Variants in ATP11A observed in about 807,000 individuals in gnomAD.
The protein encoded by ATP11A is phospholipid-transporting ATPase IH.
A neutral mutation model predicts 154.4 loss-of-function variants in ATP11A; 81 were observed. The ratio of observed to expected loss-of-function variants is 0.52; its 90% CI spans 0.44 to 0.63. ATP11A has a LOEUF of 0.63. Among genes scored for constraint, ATP11A ranks in the 30% least tolerant of loss-of-function variants. The probability of loss-of-function intolerance (pLI) is 0.00; values close to 1 mark genes in which losing one functional copy is unlikely to be tolerated. For missense variants in ATP11A, 1,316 were observed against 1,474.3 expected (o/e 0.89, Z 1.76); for synonymous variants, 623 against 585.9 (o/e 1.06, Z -0.91).
At position 112,880,466 on chromosome 13, in the gene ATP11A, G is replaced by A. The variant is rs764053329; in HGVS notation, c.*10-1410G>A. On this transcript the variant is annotated intron_variant, in intron 29 of 29. Coordinates refer to ENST00000375645, the MANE Select transcript of ATP11A (RefSeq NM_015205.3). ...GAGCCTCTTCCTGCTGGGGTCCCAC[G>A]GATGGTGCAGGCAGAGGCCCGAGCA... is the stretch of plus-strand genomic sequence containing the variant. 111 of 1,155,678 alleles carry A rather than the reference G, an allele frequency of 9.6e-5. 1 individual carries two copies. Among genetic ancestry groups the A allele is most frequent in the Middle Eastern group, 6.6e-4 (2 of 3,034 alleles). The allele number at this position is 1,155,678 out of a possible 1,614,324, so 71.6% of individuals were successfully genotyped here. A position where few individuals can be genotyped will look rare whatever the true frequency, so the allele number is the denominator to read the frequency against.
intron 1 of ATP11A, among the ~76,000 whole-genome samples, chr13:112,739,989 G>A (rs769567511): frequency 1.3e-5 from 2 of 152,078 alleles, no homozygotes; most frequent in East Asian, 1.9e-4. Flanking sequence ...GCGTGGGAGC[G>A]ACTGTAGGTC....
At chr13:112,761,739 G>A (rs1473433549) in intron 1 of ATP11A, among the ~76,000 whole-genome samples, 1 of 152,154 alleles carries the variant, frequency 6.6e-6, no homozygotes, top group African/African-American at 2.4e-5. Context: ...AGGTGCCCCT[G>A]AGGATAAGGG....
At chr13:112,787,899 C>T (rs1594694489) in intron 2 of ATP11A, among the ~76,000 whole-genome samples, 1 of 142,040 alleles carries the variant, frequency 7.0e-6, no homozygotes, top group African/African-American at 2.7e-5. Context: ...CCAGTGTCCT[C>T]ATGTGTAGAC....
At chr13:112,722,257 TG>T (rs1048160507) in intron 1 of ATP11A, among the ~76,000 whole-genome samples, 4 of 116,626 alleles carry the variant, frequency 3.4e-5, no homozygotes, top group Admixed American at 2.3e-4. Flanking sequence ...GCAGGACAGC[TG>T]TAAGTGGGCC....
At chr13:112,878,379 T>A in intron 29 of ATP11A, 76 bp downstream of exon 29, 1 of 1,495,134 alleles carries the variant, frequency 6.7e-7, no homozygotes, top group Non-Finnish European at 9.3e-7. Context: ...ACCAGAGCCC[T>A]GAGTCCACGT....
chr13:112,795,584 A>C (rs918807016), intron 2 of ATP11A, among the ~76,000 whole-genome samples: 6 of 151,946 alleles, frequency 3.9e-5, no homozygotes, highest in Non-Finnish European at 8.8e-5. Flanking sequence ...TTTTAAGTAG[A>C]CTCTTTTTTC....
chr13:112,690,356 T>C lies in ATP11A; in HGVS notation c.-61T>C. ...GGCCGCACTAGTACCCCGGAGCCCA[T>C]GGGCGCGCCGAGCCGGGCGCGGGGG... On this transcript the variant is annotated 5_prime_UTR_variant, in exon 1 of 30. The change abolishes an upstream ATG in the 5' untranslated region. Transcript: ENST00000375645. The surrounding 1 kb of genome is among the most constrained non-coding windows in gnomAD (Gnocchi z 5.6). 1 of 1,204,822 alleles carries C rather than the reference T, an allele frequency of 8.3e-7. No individual in the cohort carries two copies. Among genetic ancestry groups the C allele is most frequent in the Non-Finnish European group, 1.0e-6 (1 of 964,108 alleles). The allele number at this position is 1,204,822 out of a possible 1,614,324, so 74.6% of individuals were successfully genotyped here.
intron 2 of ATP11A, among the ~76,000 whole-genome samples, chr13:112,799,468 T>A (rs1461413643): frequency 1.3e-5 from 2 of 151,862 alleles, no homozygotes; most frequent in Non-Finnish European, 2.9e-5. Context: ...AAAATTACAG[T>A]TAAAGGTGGT....
At chr13:112,803,980 TCCC>T (rs1163688591) in intron 2 of ATP11A, among the ~76,000 whole-genome samples, 17 of 50,638 alleles carry the variant, frequency 3.4e-4, no homozygotes, top group African/African-American at 1.5e-3. Context: ...CTTCCCTCAT[TCCC>T]CTCATTCCCC....
chr13:112,846,696 C>T (rs1273717068), intron 17 of ATP11A, among the ~76,000 whole-genome samples: 1 of 152,214 alleles, frequency 6.6e-6, no homozygotes, highest in Non-Finnish European at 1.5e-5. Context: ...GTGATGGTGG[C>T]CTGTGGCCGG....
intron 28 of ATP11A, among the ~76,000 whole-genome samples, chr13:112,876,674 G>T (rs1438730926): frequency 6.6e-6 from 1 of 150,660 alleles, no homozygotes; most frequent in Non-Finnish European, 1.5e-5. Flanking sequence ...TGGAGCCCTG[G>T]ACTGGGCAGT....
intron 1 of ATP11A, among the ~76,000 whole-genome samples, chr13:112,735,275 G>GT (rs896799755): frequency 2.0e-5 from 3 of 152,290 alleles, no homozygotes; most frequent in African/African-American, 7.2e-5. Context: ...TTGAGATTGA[G>GT]TTTTTTTCCG....
chr13:112,833,231 CGT>C (rs999199537), intron 14 of ATP11A, among the ~76,000 whole-genome samples: 10 of 152,178 alleles, frequency 6.6e-5, no homozygotes, highest in African/African-American at 1.9e-4. Flanking sequence ...GTCCCCGGCG[CGT>C]GAGTCTTCAT....
chr13:112,854,452 G>A lies in ATP11A; in HGVS notation c.2165G>A (p.Ser722Asn). ...ELTTKRIEEQ[S>N]LHDVLFELSK... ...ACCACCAAGAGGATCGAGGAGCAGAGCCTGCACGACGTCCTGTTCGAGCTG... is the reference window on the plus strand; with the variant it reads ...ACCACCAAGAGGATCGAGGAGCAGAACCTGCACGACGTCCTGTTCGAGCTG... Residue 722 changes from serine to asparagine, a missense_variant, in exon 19 of 30, where the codon AGC becomes AAC. Coordinates refer to ENST00000375645, the MANE Select transcript of ATP11A (RefSeq NM_015205.3). 1 of 1,613,030 alleles carries A rather than the reference G, an allele frequency of 6.2e-7. No homozygotes were observed. Among genetic ancestry groups the A allele is most frequent in the Non-Finnish European group, 8.5e-7 (1 of 1,180,024 alleles).
chr13:112,815,624 T>C (rs558915410), intron 5 of ATP11A, among the ~76,000 whole-genome samples: 4 of 152,390 alleles, frequency 2.6e-5, no homozygotes, highest in African/African-American at 7.2e-5. Flanking sequence ...TGATTGATTT[T>C]TACTTTAGTT....
At chr13:112,778,771 TGAGTAGCCGCTGGAGTGAG>T (rs2077414246) in intron 1 of ATP11A, among the ~76,000 whole-genome samples, 5 of 58,248 alleles carry the variant, frequency 8.6e-5, no homozygotes, top group Admixed American at 3.9e-4. Flanking sequence ...GCCGCTGGAG[TGAGTAGCCGCTGGAGTGAG>T]GAGTAGCCGC....
At chr13:112,869,817 TC>T (rs1312459056) in intron 25 of ATP11A, among the ~76,000 whole-genome samples, 1 of 152,230 alleles carries the variant, frequency 6.6e-6, no homozygotes, top group Non-Finnish European at 1.5e-5. Context: ...CCACAGCTGT[TC>T]CTAGAGGCAT....
rs1354206850 is a variant in ATP11A at position 112,884,028 on chromosome 13, G to T, written c.*2162G>T. On this transcript the variant is annotated 3_prime_UTR_variant, in exon 30 of 30. Transcript: ENST00000375645. ...ACATACTGTCTAATTTTAAAAATAGGTTTTTAAAGCTTTCATTTTTAAGTT... is the reference window on the plus strand; with the variant it reads ...ACATACTGTCTAATTTTAAAAATAGTTTTTTAAAGCTTTCATTTTTAAGTT... 1.3e-5 allele frequency: 2 copies of T among 152,456 alleles called. No homozygotes were observed. Among genetic ancestry groups the T allele is most frequent in the East Asian group, 3.9e-4 (2 of 5,184 alleles). 9.4% of individuals were successfully genotyped at this position (152,456 alleles called of 1,614,324 possible).
intron 5 of ATP11A, among the ~76,000 whole-genome samples, chr13:112,812,879 C>T (rs964469928): frequency 6.6e-6 from 1 of 152,184 alleles, no homozygotes. Flanking sequence ...AGCAGGCATC[C>T]GGTCCCAGGC....
Sources: allele counts gnomAD v4.1 joint callset (sites outside exome capture counted in the v4.1 genomes callset), GRCh38; gene constraint gnomAD v4.1.1; non-coding constraint Gnocchi (gnomAD v3.1); transcripts MANE v1.5; gene names NCBI Gene and HGNC (gene_info 2026-07-23, HGNC 2026-07-21).